The following ZFPM2 variants were observed in gnomAD, a reference collection of about 807,000 sequenced individuals.
ZFPM2 encodes zinc finger protein ZFPM2.
Under a neutral mutation model 98.6 loss-of-function variants are expected in ZFPM2, and 20 were observed. The ratio of observed to expected loss-of-function variants is 0.20; its 90% confidence interval spans 0.14 to 0.29. The LOEUF is 0.29. Ranked by LOEUF, ZFPM2 falls within the 10% of genes least tolerant of loss-of-function variation. ZFPM2 has a pLI of 1.00. For synonymous variants in ZFPM2, 518 were observed against 502.7 expected, an observed-to-expected ratio of 1.03 and a Z score of -0.41; for missense variants, 1,310 against 1,388.6, an observed-to-expected ratio of 0.94 and a Z score of 0.90.
chr8:105,733,400 CAT>C (rs1811991922), intron 5 of ZFPM2, among the ~76,000 whole-genome samples: 1 of 151,856 alleles, frequency 6.6e-6, no homozygotes, highest in Non-Finnish European at 1.5e-5. Context: ...AAACAAACTC[CAT>C]ATGACCTCCA....
intron 3 of ZFPM2, among the ~76,000 whole-genome samples, chr8:105,541,917 T>C (rs1050588242): frequency 7.2e-5 from 11 of 152,106 alleles, no homozygotes; most frequent in African/African-American, 9.7e-5. Context: ...AATTGCTAAT[T>C]TTTTTAATGT....
intron 3 of ZFPM2, 52 bp downstream of exon 3, chr8:105,444,433 C>A (rs1812326502): frequency 6.4e-6 from 9 of 1,401,568 alleles, no homozygotes; most frequent in East Asian, 2.5e-5. Context: ...TAGAAATACA[C>A]ATTTTTCTTT....
chr8:105,721,824 C>T (rs1357734811), intron 5 of ZFPM2, among the ~76,000 whole-genome samples: 1 of 151,930 alleles, frequency 6.6e-6, no homozygotes, highest in Non-Finnish European at 1.5e-5. Context: ...CTCTTGCCAT[C>T]TCACATGAAA....
chr8:105,408,613 C>A (rs531105080), intron 1 of ZFPM2, among the ~76,000 whole-genome samples: 1 of 151,714 alleles, frequency 6.6e-6, no homozygotes, highest in Non-Finnish European at 1.5e-5. Context: ...GTGAAATTAG[C>A]GAATTTGTAT....
chr8:105,720,829 G>A (rs747482678), intron 5 of ZFPM2, among the ~76,000 whole-genome samples: 7 of 151,820 alleles, frequency 4.6e-5, no homozygotes, highest in Admixed American at 1.3e-4. Flanking sequence ...TCCACATTTC[G>A]GATGGGCTCT....
chr8:105,676,636 G>T (rs1810476061), intron 5 of ZFPM2, among the ~76,000 whole-genome samples: 1 of 151,564 alleles, frequency 6.6e-6, no homozygotes, highest in African/African-American at 2.4e-5. Flanking sequence ...TATTTAGAAA[G>T]AAATATATTT....
intron 1 of ZFPM2, among the ~76,000 whole-genome samples, chr8:105,394,515 T>C (rs1421131571): frequency 6.6e-6 from 1 of 152,230 alleles, no homozygotes; most frequent in Non-Finnish European, 1.5e-5. Context: ...CTGTATAGAA[T>C]GTAATTCAGA....
At chr8:105,788,268 A>G (rs1813481493) in intron 5 of ZFPM2, among the ~76,000 whole-genome samples, 1 of 152,116 alleles carries the variant, frequency 6.6e-6, no homozygotes, top group African/African-American at 2.4e-5. Context: ...GAAGTATTTC[A>G]TGGGGGGAAA....
chr8:105,538,243 G>A (rs867569446), intron 3 of ZFPM2, among the ~76,000 whole-genome samples: 2 of 152,060 alleles, frequency 1.3e-5, no homozygotes, highest in Non-Finnish European at 2.9e-5. Context: ...TATATAAAAT[G>A]GGTAAGATGA....
At chr8:105,633,000 A>G (rs1173235483) in intron 4 of ZFPM2, among the ~76,000 whole-genome samples, 1 of 152,200 alleles carries the variant, frequency 6.6e-6, no homozygotes, top group East Asian at 1.9e-4. Flanking sequence ...TGATATTTTA[A>G]TAAATGGGTC....
chr8:105,507,389 C>T (rs1293292190), intron 3 of ZFPM2, among the ~76,000 whole-genome samples: 1 of 152,134 alleles, frequency 6.6e-6, no homozygotes, highest in Non-Finnish European at 1.5e-5. Flanking sequence ...GGCAATCTTA[C>T]ATATTGGGAA....
chr8:105,649,968 C>T (rs1470694745), intron 5 of ZFPM2, among the ~76,000 whole-genome samples: 1 of 152,138 alleles, frequency 6.6e-6, no homozygotes, highest in Non-Finnish European at 1.5e-5. Flanking sequence ...ACCAGCTCCT[C>T]CTTTTACCTC....
At chr8:105,435,055 G>A (rs775775404) in intron 2 of ZFPM2, among the ~76,000 whole-genome samples, 1 of 152,122 alleles carries the variant, frequency 6.6e-6, no homozygotes, top group Non-Finnish European at 1.5e-5. Flanking sequence ...TAAAGATTCT[G>A]TTTCATATGT....
chr8:105,355,383 C>CT (rs1010923286), intron 1 of ZFPM2, among the ~76,000 whole-genome samples: 1 of 152,028 alleles, frequency 6.6e-6, no homozygotes, highest in Admixed American at 6.6e-5. Flanking sequence ...CTTATGGTAT[C>CT]TTTTTTTGCT....
intron 3 of ZFPM2, among the ~76,000 whole-genome samples, chr8:105,468,253 A>G (rs1017561007): frequency 6.6e-6 from 1 of 151,602 alleles, no homozygotes; most frequent in Non-Finnish European, 1.5e-5. Context: ...CTTGCCTGCC[A>G]TTTTCTCTCT....
Position 105,648,858 on chromosome 8 carries a change from C to T in ZFPM2, c.532+14501C>T, listed in dbSNP as rs7016884. 7.0e-3 allele frequency among the ~76,000 whole-genome samples: 1,067 copies of T among 152,196 alleles called. 13 individuals are homozygous for T. Among genetic ancestry groups the T allele is most frequent in the African/African-American group, 0.024 (988 of 41,534 alleles). ...TTGGCTTAGGATTGACTTGGCAATG[C>T]GGGCTCTTTTTTGGTTCCATATGAA... On this transcript the variant is annotated intron_variant, in intron 5 of 7. Coordinates refer to ENST00000407775, the MANE Select transcript of ZFPM2 (RefSeq NM_012082.4).
chr8:105,404,420 G>T (rs147032934), intron 1 of ZFPM2, among the ~76,000 whole-genome samples: 1 of 151,926 alleles, frequency 6.6e-6, no homozygotes, highest in African/African-American at 2.4e-5. Flanking sequence ...CATTCTATTT[G>T]ACGTCTTATT....
At chr8:105,621,434 T>A (rs1364486525) in intron 4 of ZFPM2, among the ~76,000 whole-genome samples, 2 of 152,090 alleles carry the variant, frequency 1.3e-5, no homozygotes, top group Admixed American at 6.6e-5. Flanking sequence ...GGGCTGAGAC[T>A]ATGGGGTTTT....
intron 5 of ZFPM2, among the ~76,000 whole-genome samples, chr8:105,651,220 T>C (rs921929057): frequency 6.6e-6 from 1 of 152,160 alleles, no homozygotes; most frequent in African/African-American, 2.4e-5. Flanking sequence ...ATTTATATTT[T>C]GTAACTACTC....
Sources: gnomAD v4.1 joint callset for allele counts (sites outside exome capture counted in the v4.1 genomes callset) on GRCh38, gnomAD v4.1.1 for gene constraint, MANE v1.5 for transcripts, NCBI Gene and HGNC (gene_info 2026-07-23, HGNC 2026-07-21) for gene names.